The following ABCA13 variants were observed in gnomAD, a reference collection of about 807,000 sequenced individuals.
ABCA13 encodes the protein ATP-binding cassette sub-family A member 13.
A neutral mutation model predicts 478.7 loss-of-function variants in ABCA13; 476 were observed. The observed-to-expected ratio is 0.99, with a 90% CI of 0.92 to 1.07. ABCA13 has a LOEUF of 1.07. Among genes scored for constraint, ABCA13 ranks in the 50% least tolerant of loss-of-function variants. ABCA13 has a pLI of 0.00. For missense variants in ABCA13, 6,060 were observed against 5,910.6 expected (o/e 1.03, Z -0.83); for synonymous variants, 2,252 against 2,158.9 (o/e 1.04, Z -1.20).
chr7:48,332,238 G>A (rs1053069809), intron 27 of ABCA13, among the ~76,000 whole-genome samples: 2 of 152,144 alleles, frequency 1.3e-5, no homozygotes, highest in Middle Eastern at 3.4e-3. Context: ...ACATTGTTGA[G>A]CATCCTCACC....
rs189606935 is a variant in ABCA13 at position 48,480,991 on chromosome 7, G to A, written c.12976-45G>A. On this transcript the variant is annotated intron_variant, in intron 45 of 61. Coordinates refer to ENST00000435803, the MANE Select transcript of ABCA13 (RefSeq NM_152701.5). ...AAGTAATGTCAGTGAACCAGTTTGT[G>A]AATTATAAAAAAGTTTGTTTTTATC... The A allele has an allele frequency of 1.8e-3, 2,300 of 1,303,002 alleles. 3 individuals carry two copies. Among genetic ancestry groups the A allele is most frequent in the Non-Finnish European group, 2.3e-3 (2,094 of 922,486 alleles). 80.7% of individuals were successfully genotyped at this position (1,303,002 alleles called of 1,614,324 possible). A position where few individuals can be genotyped will look rare whatever the true frequency, so the allele number is the denominator to read the frequency against.
chr7:48,220,698 A>C (rs1270425078), intron 4 of ABCA13, among the ~76,000 whole-genome samples: 1 of 152,202 alleles, frequency 6.6e-6, no homozygotes, highest in Admixed American at 6.5e-5. Context: ...ACACCAAATG[A>C]TGGAGTTCTT....
At chr7:48,598,204 C>T in intron 58 of ABCA13, among the ~76,000 whole-genome samples, 1 of 152,146 alleles carries the variant, frequency 6.6e-6, no homozygotes, top group East Asian at 1.9e-4. Flanking sequence ...AGTATGTAGT[C>T]TTTTCAGGTT....
At chr7:48,618,153 C>T (rs1318409471) in intron 59 of ABCA13, among the ~76,000 whole-genome samples, 2 of 152,122 alleles carry the variant, frequency 1.3e-5, no homozygotes, top group African/African-American at 4.8e-5. Flanking sequence ...TCACTTTCTA[C>T]CCCAATCTGC....
intron 4 of ABCA13, among the ~76,000 whole-genome samples, chr7:48,220,940 A>T (rs554834548): frequency 7.0e-4 from 107 of 151,968 alleles, no homozygotes; most frequent in East Asian, 9.7e-4. Flanking sequence ...TTTTCTTTTT[A>T]AAAAAATTTT....
intron 27 of ABCA13, among the ~76,000 whole-genome samples, chr7:48,331,275 G>A (rs146086722): frequency 0.014 from 2,076 of 152,228 alleles, 18 homozygotes; most frequent in Admixed American, 0.019. Flanking sequence ...TGAAACCAAA[G>A]CCCAAGACAT....
chr7:48,264,536 T>A (rs775542479), intron 15 of ABCA13, among the ~76,000 whole-genome samples: 1 of 151,890 alleles, frequency 6.6e-6, no homozygotes, highest in Non-Finnish European at 1.5e-5. Context: ...GTAATAATTT[T>A]GAACACCTAT....
chr7:48,521,277 AC>A (rs1832528138), intron 53 of ABCA13, among the ~76,000 whole-genome samples: 1 of 152,094 alleles, frequency 6.6e-6, no homozygotes, highest in Non-Finnish European at 1.5e-5. Flanking sequence ...TCTGACCTCT[AC>A]TTGAGGGAGG....
intron 33 of ABCA13, among the ~76,000 whole-genome samples, chr7:48,373,815 G>A (rs1813030051): frequency 6.6e-6 from 1 of 152,126 alleles, no homozygotes; most frequent in Non-Finnish European, 1.5e-5. Context: ...TTTCTAGCAA[G>A]TAAAAAATAT....
Position 48,338,408 on chromosome 7 carries a change from A to T in ABCA13, c.10157A>T (p.Gln3386Leu). The T allele has an allele frequency of 6.2e-7, 1 of 1,603,914 alleles. No individual in the cohort carries two copies. The highest frequency in any genetic ancestry group is 1.3e-5 in the African/African-American group (1 of 74,828). ...TTTGTAAGAAACTTTGTAGAAAACC[A>T]GTTGCACATTGATGTAGACAAACTT... The part of the protein sequence containing the change: ...NKFVRNFVEN[Q>L]LHIDVDKLTE... Residue 3386 changes from glutamine to leucine, a missense_variant, in exon 29 of 62, where the codon CAG (glutamine) becomes CTG (leucine). By Grantham distance (113) the Gln-to-Leu change is moderately radical (BLOSUM62 -2). This residue lies in a region of ABCA13 where 4,423 missense variants were observed against 4,309.1 expected (regional missense o/e 1.03). Transcript: ENST00000435803.
At chr7:48,546,972 T>G (rs778245560) in intron 55 of ABCA13, among the ~76,000 whole-genome samples, 9 of 151,806 alleles carry the variant, frequency 5.9e-5, no homozygotes, top group Non-Finnish European at 1.0e-4. Flanking sequence ...TAAATGACAA[T>G]TTAACAATAC....
At chr7:48,415,111 C>T (rs537157822) in intron 41 of ABCA13, among the ~76,000 whole-genome samples, 58 of 152,284 alleles carry the variant, frequency 3.8e-4, no homozygotes, top group South Asian at 3.3e-3. Flanking sequence ...AAGCACCATA[C>T]TTGAATGCAG....
At chr7:48,189,918 T>C (rs1796868683) in intron 1 of ABCA13, among the ~76,000 whole-genome samples, 1 of 152,158 alleles carries the variant, frequency 6.6e-6, no homozygotes, top group African/African-American at 2.4e-5. Flanking sequence ...GCTTTGTAAG[T>C]CTGTAAAAAT....
At chr7:48,525,096 A>G (rs1189178683) in intron 54 of ABCA13, among the ~76,000 whole-genome samples, 1 of 152,166 alleles carries the variant, frequency 6.6e-6, no homozygotes, top group Admixed American at 6.6e-5. Flanking sequence ...TCTGATTGGT[A>G]TCTATATTCT....
At chr7:48,290,100 G>T (rs1798297565) in intron 20 of ABCA13, among the ~76,000 whole-genome samples, 1 of 152,198 alleles carries the variant, frequency 6.6e-6, no homozygotes, top group Non-Finnish European at 1.5e-5. Context: ...TGATTGAATC[G>T]ATATGACAAA....
intron 1 of ABCA13, among the ~76,000 whole-genome samples, chr7:48,175,906 C>G (rs1450569395): frequency 2.0e-5 from 3 of 146,572 alleles, no homozygotes; most frequent in African/African-American, 5.0e-5. Context: ...ACAACAACAA[C>G]AACAAGAAAA....
Position 48,420,483 on chromosome 7 carries a change from CAG to C in ABCA13, c.12460-7280_12460-7279del, listed in dbSNP as rs1359382047. Among the ~76,000 whole-genome samples the C allele has an allele frequency of 3.3e-5, 5 of 152,282 alleles. No homozygotes were observed. The East Asian group carries it at 9.6e-4, about 29-fold the overall frequency. On this transcript the variant is annotated intron_variant, in intron 41 of 61. Coordinates refer to ENST00000435803, the MANE Select transcript of ABCA13 (RefSeq NM_152701.5). ...ACAAAACTTTCTGGCATAATGCAAA[CAG>C]AGTAAATTTTTGCAGTGTATTTTTT...
chr7:48,478,899 CTATTTGTGTGCATG>C (rs908677235), intron 45 of ABCA13, among the ~76,000 whole-genome samples: 1 of 150,776 alleles, frequency 6.6e-6, no homozygotes, highest in Non-Finnish European at 1.5e-5. Flanking sequence ...CCCAACGTTA[CTATTTGTGTGCATG>C]TGTTTGTGTG....
chr7:48,264,909 A>T (rs1794675910), intron 15 of ABCA13, among the ~76,000 whole-genome samples: 1 of 151,722 alleles, frequency 6.6e-6, no homozygotes, highest in African/African-American at 2.4e-5. Context: ...AGTTTAATAG[A>T]TTTATGTCCT....
Sources: allele counts gnomAD v4.1 joint callset (sites outside exome capture counted in the v4.1 genomes callset), GRCh38; gene constraint gnomAD v4.1.1; regional missense constraint gnomAD v4.1.1; transcripts MANE v1.5; gene names NCBI Gene and HGNC (gene_info 2026-07-23, HGNC 2026-07-21).